RNF175: variants seen among roughly 807,000 people sequenced by gnomAD.
RNF175 encodes the protein ring finger protein 175.
In RNF175, 38 loss-of-function variants were observed where a neutral mutation model predicts 50.0. That is an observed-to-expected ratio of 0.76 (90% CI 0.59 to 1.00). RNF175 has a LOEUF of 1.00. Among genes scored for constraint, RNF175 ranks in the 50% least tolerant of loss-of-function variants. The pLI, the probability that RNF175 is intolerant of heterozygous loss-of-function variation, is 0.00. For synonymous variants in RNF175, 155 were observed against 146.1 expected, an observed-to-expected ratio of 1.06 and a Z score of -0.44; for missense variants, 388 against 409.6, an observed-to-expected ratio of 0.95 and a Z score of 0.46.
intron 4 of RNF175, among the ~76,000 whole-genome samples, chr4:153,726,554 G>A (rs944493689): frequency 2.0e-5 from 3 of 152,164 alleles, no homozygotes; most frequent in African/African-American, 7.2e-5. Context: ...TGCTGGTGCT[G>A]GAGACCACTG....
intron 3 of RNF175, among the ~76,000 whole-genome samples, chr4:153,739,768 G>A (rs758697340): frequency 1.3e-5 from 2 of 152,012 alleles, no homozygotes; most frequent in Admixed American, 6.6e-5. Context: ...CTGCTTTTAA[G>A]GTTTTCCTTC....
chr4:153,741,683 T>C (rs1046385302), intron 3 of RNF175, among the ~76,000 whole-genome samples: 5 of 152,176 alleles, frequency 3.3e-5, no homozygotes, highest in Admixed American at 6.5e-5. Flanking sequence ...AAGATAAAAG[T>C]GCTGACTTCC....
chr4:153,755,215 C>G (rs1740502106), intron 1 of RNF175, among the ~76,000 whole-genome samples: 1 of 152,268 alleles, frequency 6.6e-6, no homozygotes, highest in African/African-American at 2.4e-5. Context: ...GCCAGACATG[C>G]CCCTTACACA....
Position 153,715,602 on chromosome 4 carries a change from C to T in RNF175, c.691G>A (p.Gly231Arg), listed in dbSNP as rs1449519953. ...TCAAGCTCCACAATGATCTTCTGCC[C>T]ACAGACTGCACAGATATTGTCCGAT... is the stretch of plus-strand genomic sequence containing the variant. ...SLSDNICAVC[G>R]QKIIVELDEE... The change falls in exon 7 of 9, where the codon GGG (glycine) becomes AGG (arginine). Residue 231 changes from glycine to arginine, a missense_variant. Coordinates refer to ENST00000347063, the MANE Select transcript of RNF175 (RefSeq NM_173662.4). 2.2e-5 allele frequency: 35 copies of T among 1,613,738 alleles called. No homozygotes were observed. Among genetic ancestry groups the T allele is most frequent in the Non-Finnish European group, 3.0e-5 (35 of 1,179,800 alleles).
intron 5 of RNF175, among the ~76,000 whole-genome samples, chr4:153,722,607 T>C (rs1738408107): frequency 6.6e-6 from 1 of 152,134 alleles, no homozygotes; most frequent in Non-Finnish European, 1.5e-5. Flanking sequence ...GCCCAGCCTC[T>C]TACAATTTCG....
chr4:153,744,479 G>A (rs780476621), intron 3 of RNF175, among the ~76,000 whole-genome samples: 3 of 152,140 alleles, frequency 2.0e-5, no homozygotes, highest in Non-Finnish European at 4.4e-5. Flanking sequence ...GACACAGTGC[G>A]AGTCAAGGGC....
intron 6 of RNF175, among the ~76,000 whole-genome samples, chr4:153,718,045 G>T (rs1480835180): frequency 6.6e-6 from 1 of 151,918 alleles, no homozygotes; most frequent in Non-Finnish European, 1.5e-5. Flanking sequence ...TGGCAACCAT[G>T]GATCTGTTTA....
chr4:153,741,560 C>T (rs1482020630), intron 3 of RNF175, among the ~76,000 whole-genome samples: 1 of 152,198 alleles, frequency 6.6e-6, no homozygotes, highest in Admixed American at 6.5e-5. Context: ...TGATTTCCTG[C>T]ATTCATCTGT....
chr4:153,734,250 T>C (rs1430887595), intron 3 of RNF175, among the ~76,000 whole-genome samples: 4 of 152,216 alleles, frequency 2.6e-5, no homozygotes, highest in African/African-American at 9.6e-5. Flanking sequence ...AGCCTATGTT[T>C]AGCTTTGTGG....
intron 3 of RNF175, chr4:153,745,556 G>A (rs553964348): frequency 1.3e-5 from 2 of 152,356 alleles, no homozygotes; most frequent in East Asian, 3.9e-4. Flanking sequence ...TTAATGCCAA[G>A]ATAGTTTACT....
At chr4:153,715,508 A>G in intron 7 of RNF175, 21 bp downstream of exon 7, 1 of 1,564,696 alleles carries the variant, frequency 6.4e-7, no homozygotes, top group African/African-American at 1.4e-5. Context: ...AAGCCCAAAC[A>G]ATTTCCTTTG....
At chr4:153,750,665 C>G (rs1740239004) in intron 2 of RNF175, among the ~76,000 whole-genome samples, 4 of 150,714 alleles carry the variant, frequency 2.7e-5, no homozygotes, top group Admixed American at 2.6e-4. Flanking sequence ...TTTAAACAAA[C>G]AAGCAAAAAA....
At chr4:153,748,832 C>A (rs749437382) in intron 2 of RNF175, 46 bp from the exon 3 acceptor site, 2 of 1,493,590 alleles carry the variant, frequency 1.3e-6, no homozygotes, top group East Asian at 2.3e-5. Context: ...CTCAACCTTG[C>A]GCATTTAGCA....
In RNF175 at chr4:153,758,674, C is replaced by A. The variant is rs74602417; in HGVS notation, c.66+1123G>T. 1.4e-4 allele frequency among the ~76,000 whole-genome samples: 21 copies of A among 152,286 alleles called. No individual in the cohort carries two copies. In the East Asian group the frequency reaches 3.9e-3, roughly 28 times the overall value. ...AAGCCCCTCCACAGCCTAGCCCACC[C>A]TTATTTTTTGCTATAAGCATTCCTG... On this transcript the variant is annotated intron_variant, in intron 1 of 8. Transcript: ENST00000347063.
chr4:153,729,643 T>C (rs1048183303), intron 3 of RNF175: 1 of 981,570 alleles, frequency 1.0e-6, no homozygotes, highest in Admixed American at 6.1e-5. Context: ...CTTCTTTCAA[T>C]GTCAGATAAG....
At chr4:153,715,208 A>T in intron 7 of RNF175, 1 of 392,242 alleles carries the variant, frequency 2.5e-6, no homozygotes, top group African/African-American at 2.1e-5. Flanking sequence ...TCTTTCCCTG[A>T]TCTTTGTTGG....
chr4:153,753,198 C>T (rs981893956), intron 1 of RNF175, among the ~76,000 whole-genome samples: 1 of 152,092 alleles, frequency 6.6e-6, no homozygotes, highest in Non-Finnish European at 1.5e-5. Flanking sequence ...AATGTGTGTG[C>T]TAAGACCCTC....
intron 7 of RNF175, chr4:153,715,057 T>G (rs1737818712): frequency 1.1e-5 from 2 of 176,458 alleles, no homozygotes; most frequent in South Asian, 2.4e-4. Flanking sequence ...TTGCCACAGG[T>G]AGGTTCCTAG....
At chr4:153,743,981 G>C (rs561207433) in intron 3 of RNF175, among the ~76,000 whole-genome samples, 1 of 152,292 alleles carries the variant, frequency 6.6e-6, no homozygotes, top group South Asian at 2.1e-4. Context: ...GGCATAGGCA[G>C]GTCTGTCTTT....
Sources: allele counts gnomAD v4.1 joint callset (sites outside exome capture counted in the v4.1 genomes callset), GRCh38; gene constraint gnomAD v4.1.1; transcripts MANE v1.5; gene names NCBI Gene and HGNC (gene_info 2026-07-23, HGNC 2026-07-21).